Variants in ANKRD30A observed in about 807,000 individuals in gnomAD.
ANKRD30A encodes ankyrin repeat domain-containing protein 30A.
A neutral mutation model predicts 166.3 loss-of-function variants in ANKRD30A; 170 were observed. That is an observed-to-expected ratio of 1.02 (90% CI 0.90 to 1.16). ANKRD30A has a LOEUF of 1.16. Ranked by LOEUF, ANKRD30A falls within the 50% of genes most tolerant of loss-of-function variation. ANKRD30A has a pLI of 0.00. For synonymous variants in ANKRD30A, 564 were observed against 508.9 expected (o/e 1.11, Z -1.46); for missense variants, 1,630 against 1,518.0 (o/e 1.07, Z -1.23).
chr10:37,228,081 G>A (rs1420963300), intron 34 of ANKRD30A, among the ~76,000 whole-genome samples: 1 of 151,836 alleles, frequency 6.6e-6, no homozygotes, highest in Non-Finnish European at 1.5e-5. Flanking sequence ...AAGATGCACA[G>A]CTATATTTTA....
At chr10:37,231,982 A>G (rs1247553886) in intron 35 of ANKRD30A, among the ~76,000 whole-genome samples, 1 of 152,040 alleles carries the variant, frequency 6.6e-6, no homozygotes, top group Non-Finnish European at 1.5e-5. Context: ...TAGTAACTAA[A>G]TATATACTTT....
intron 6 of ANKRD30A, among the ~76,000 whole-genome samples, chr10:37,137,665 T>C (rs2132522793): frequency 6.6e-6 from 1 of 152,078 alleles, no homozygotes; most frequent in South Asian, 2.1e-4. Flanking sequence ...AAGGTGACAG[T>C]GAGGTTGGGG....
At chr10:37,162,869 A>G (rs765802902) in intron 17 of ANKRD30A, 21 bp downstream of exon 17, 1 of 1,607,644 alleles carries the variant, frequency 6.2e-7, no homozygotes, top group South Asian at 1.1e-5. Flanking sequence ...CAATGTAACT[A>G]TGGAAAGACC....
At chr10:37,172,222 C>G (rs550640882) in intron 21 of ANKRD30A, among the ~76,000 whole-genome samples, 5 of 100,038 alleles carry the variant, frequency 5.0e-5, no homozygotes, top group African/African-American at 2.1e-4. Flanking sequence ...GCACGCACTT[C>G]TAATAATTTC....
At chr10:37,192,040 G>GT (rs992989433) in intron 25 of ANKRD30A, among the ~76,000 whole-genome samples, 2 of 149,538 alleles carry the variant, frequency 1.3e-5, no homozygotes, top group Non-Finnish European at 2.9e-5. Flanking sequence ...CACATTACAT[G>GT]TTTTTTCTTT....
At chr10:37,171,265 CTG>C (rs1839540525) in intron 21 of ANKRD30A, among the ~76,000 whole-genome samples, 1 of 141,354 alleles carries the variant, frequency 7.1e-6, no homozygotes, top group Non-Finnish European at 1.6e-5. Context: ...TTTAATTAGA[CTG>C]TGTTTCCTAG....
chr10:37,179,615 G>A (rs1840048184), intron 24 of ANKRD30A, among the ~76,000 whole-genome samples: 1 of 148,384 alleles, frequency 6.7e-6, no homozygotes, highest in South Asian at 2.2e-4. Context: ...CTGATGAGAT[G>A]TCAATTCTAC....
rs1349085210 is a variant in ANKRD30A at position 37,178,565 on chromosome 10, A to C, written c.2421+2347A>C. 3.1e-6 allele frequency: 3 copies of C among 979,146 alleles called. No individual in the cohort carries two copies. The African/African-American group carries it at 5.3e-5, about 17-fold the overall frequency. 60.7% of individuals were successfully genotyped at this position (979,146 alleles called of 1,614,324 possible). ...TGTGGAAGCAGAGCAACTGGATAGA[A>C]GGTCAGGACAGAAAAGGTCAGGAGA... On this transcript the variant is annotated intron_variant, in intron 24 of 35. Coordinates refer to ENST00000361713, the MANE Select transcript of ANKRD30A (RefSeq NM_052997.3).
At position 37,158,601 on chromosome 10, in the gene ANKRD30A, T is replaced by G. The variant is rs1838573209; in HGVS notation, c.1900+15T>G. ...TTTCAAAGCAGGTAAATTTTGTAAT[T>G]TTAATTTTACTCTGGAAAGGAGAAT... On this transcript the variant is annotated intron_variant, in intron 15 of 35. Transcript: ENST00000361713. The G allele has an allele frequency of 1.2e-6, 2 of 1,611,792 alleles. No individual in the cohort carries two copies. The highest frequency in any genetic ancestry group is 1.7e-6 in the Non-Finnish European group (2 of 1,179,136).
At chr10:37,149,230 G>A (rs1837729735) in intron 9 of ANKRD30A, among the ~76,000 whole-genome samples, 1 of 151,968 alleles carries the variant, frequency 6.6e-6, no homozygotes, top group Non-Finnish European at 1.5e-5. Context: ...CTGATGAGAT[G>A]TCAATTCTAC....
the ANKRD30A span, among the ~76,000 whole-genome samples, chr10:37,258,134 T>G: frequency 6.6e-6 from 1 of 152,072 alleles, no homozygotes; most frequent in Non-Finnish European, 1.5e-5. Context: ...AAGTAAAATT[T>G]TAAAAAAGGA....
At chr10:37,154,958 T>G (rs1372383566) in intron 13 of ANKRD30A, among the ~76,000 whole-genome samples, 2 of 152,180 alleles carry the variant, frequency 1.3e-5, no homozygotes, top group Non-Finnish European at 2.9e-5. Context: ...ATATTCACAA[T>G]TTGAATAAGA....
intron 34 of ANKRD30A, among the ~76,000 whole-genome samples, chr10:37,229,263 G>C (rs911522264): frequency 6.6e-6 from 1 of 151,894 alleles, no homozygotes; most frequent in Non-Finnish European, 1.5e-5. Context: ...CTCCTGTTTT[G>C]AGTGAGGATG....
chr10:37,229,830 A>G (rs1358441959), intron 34 of ANKRD30A, among the ~76,000 whole-genome samples: 3 of 151,906 alleles, frequency 2.0e-5, no homozygotes, highest in African/African-American at 7.2e-5. Flanking sequence ...ATATATATCC[A>G]TATATGTATG....
chr10:37,251,119 G>C, the ANKRD30A span, among the ~76,000 whole-genome samples: 1 of 152,108 alleles, frequency 6.6e-6, no homozygotes, highest in Non-Finnish European at 1.5e-5. Flanking sequence ...GGTAAGATTT[G>C]CTTCTAAAGA....
chr10:37,215,135 A>G (rs1358579585), intron 31 of ANKRD30A, among the ~76,000 whole-genome samples: 1 of 151,580 alleles, frequency 6.6e-6, no homozygotes, highest in African/African-American at 2.4e-5. Flanking sequence ...GAGTTGAGTT[A>G]CTTATAAACA....
intron 24 of ANKRD30A, chr10:37,177,812 GAGGA>G: frequency 1.5e-6 from 2 of 1,365,782 alleles, no homozygotes; most frequent in Non-Finnish European, 2.1e-6. Context: ...CTAAATTGAT[GAGGA>G]AGGATATCCT....
chr10:37,217,885 C>A lies in ANKRD30A; in HGVS notation c.3267+7C>A. The A allele has an allele frequency of 6.6e-7, 1 of 1,506,892 alleles. No individual in the cohort carries two copies. Among genetic ancestry groups the A allele is most frequent in the South Asian group, 1.3e-5 (1 of 75,960 alleles). 93.3% of individuals were successfully genotyped at this position (1,506,892 alleles called of 1,614,324 possible). A position where few individuals can be genotyped will look rare whatever the true frequency, so the allele number is the denominator to read the frequency against. On this transcript the variant is annotated splice_region_variant and intron_variant, in intron 33 of 35. Transcript: ENST00000361713. ...AGAAAGTAATTTGAATCAGGTAAAT[C>A]AATCTCTGATAAAAATTTTATATTT...
chr10:37,197,840 C>T (rs1264596103), intron 29 of ANKRD30A, among the ~76,000 whole-genome samples: 1 of 151,970 alleles, frequency 6.6e-6, no homozygotes, highest in Non-Finnish European at 1.5e-5. Context: ...TTTCGGGGAT[C>T]CCATCTTTTA....
Sources: allele counts gnomAD v4.1 joint callset (sites outside exome capture counted in the v4.1 genomes callset), GRCh38; gene constraint gnomAD v4.1.1; transcripts MANE v1.5; gene names NCBI Gene and HGNC (gene_info 2026-07-23, HGNC 2026-07-21).